Variants in STK32B observed in about 807,000 individuals in gnomAD.
The protein encoded by STK32B is serine/threonine kinase 32B.
Under a neutral mutation model 52.6 loss-of-function variants are expected in STK32B, and 43 were observed. The ratio of observed to expected loss-of-function variants is 0.82; its 90% CI spans 0.64 to 1.05. The LOEUF (loss-of-function observed/expected upper bound fraction) is 1.05, where lower values mean the gene tolerates loss of function less well. STK32B is among the 50% of genes least tolerant of loss of function. STK32B has a pLI of 0.00. For synonymous variants in STK32B, 238 were observed against 204.3 expected, an observed-to-expected ratio of 1.17 and a Z score of -1.41; for missense variants, 621 against 534.6, an observed-to-expected ratio of 1.16 and a Z score of -1.59.
intron 7 of STK32B, 28 bp from the exon 8 acceptor site, chr4:5,456,779 G>A: frequency 6.5e-7 from 1 of 1,538,408 alleles, no homozygotes; most frequent in Non-Finnish European, 8.8e-7. Flanking sequence ...CTCTCTCTCT[G>A]ATTCTGGCTG....
chr4:5,147,573 C>A (rs1295817679), intron 2 of STK32B, among the ~76,000 whole-genome samples: 2 of 151,958 alleles, frequency 1.3e-5, no homozygotes, highest in African/African-American at 2.4e-5. Flanking sequence ...TTCAGAGATG[C>A]TCTTTATCAA....
intron 11 of STK32B, among the ~76,000 whole-genome samples, chr4:5,475,883 A>T (rs1718200145): frequency 6.6e-6 from 1 of 151,768 alleles, no homozygotes; most frequent in South Asian, 2.1e-4. Context: ...TCCTCACCAC[A>T]ATCTTTTTGT....
intron 2 of STK32B, among the ~76,000 whole-genome samples, chr4:5,154,987 C>G (rs193079926): frequency 1.4e-3 from 208 of 152,334 alleles, no homozygotes; most frequent in Middle Eastern, 0.01. Flanking sequence ...TGCAGTCTGG[C>G]CTGTGCCTGT....
In STK32B at chr4:5,467,255, C is replaced by T. The variant is rs1038086156; in HGVS notation, c.1041+421C>T. On this transcript the variant is annotated intron_variant, in intron 10 of 11. Transcript: ENST00000282908. The surrounding 1 kb of genome is among the most constrained non-coding windows in gnomAD (Gnocchi z 5.8). ...AAAACAACCCACATTGATTCTCTCACGGTTCTGGAGGCCAGAAATCCAAAC... is the reference window on the plus strand; with the variant it reads ...AAAACAACCCACATTGATTCTCTCATGGTTCTGGAGGCCAGAAATCCAAAC... 2.6e-5 allele frequency among the ~76,000 whole-genome samples: 4 copies of T among 152,178 alleles called. No individual in the cohort carries two copies. The highest frequency in any genetic ancestry group is 1.3e-4 in the Admixed American group (2 of 15,278).
At chr4:5,053,993 AAATAAATAAATAT>A (rs1185487517) in intron 1 of STK32B, among the ~76,000 whole-genome samples, 3 of 130,286 alleles carry the variant, frequency 2.3e-5, no homozygotes, top group Non-Finnish European at 4.9e-5. Context: ...ATAAATAAAT[AAATAAATAAATAT>A]AAATAAATAT....
intron 3 of STK32B, among the ~76,000 whole-genome samples, chr4:5,173,559 G>A (rs1225471222): frequency 6.6e-6 from 1 of 152,028 alleles, no homozygotes; most frequent in African/African-American, 2.4e-5. Context: ...ATTTCGTTAT[G>A]TACCCAGTAG....
intron 3 of STK32B, among the ~76,000 whole-genome samples, chr4:5,219,919 T>A (rs1009481022): frequency 1.3e-5 from 2 of 152,126 alleles, no homozygotes; most frequent in Non-Finnish European, 2.9e-5. Context: ...AGGACAGTGG[T>A]TGAAAGAATA....
intron 3 of STK32B, 127 bp from the exon 4 acceptor site, chr4:5,331,093 C>T: frequency 1.2e-6 from 1 of 853,476 alleles, no homozygotes; most frequent in African/African-American, 1.7e-5. Flanking sequence ...CCCATAGCAC[C>T]ATGACTCAGG....
chr4:5,250,856 A>G (rs1725878764), intron 3 of STK32B, among the ~76,000 whole-genome samples: 1 of 152,002 alleles, frequency 6.6e-6, no homozygotes, highest in African/African-American at 2.4e-5. Flanking sequence ...GGTCGTGTGT[A>G]TGTCTTTTGA....
intron 1 of STK32B, among the ~76,000 whole-genome samples, chr4:5,065,099 A>G (rs924695634): frequency 4.0e-5 from 6 of 151,774 alleles, no homozygotes; most frequent in Admixed American, 3.3e-4. Flanking sequence ...TTTTTGTACT[A>G]TCTCCCTGGG....
At chr4:5,441,297 T>G (rs1714720875) in intron 6 of STK32B, among the ~76,000 whole-genome samples, 1 of 151,880 alleles carries the variant, frequency 6.6e-6, no homozygotes, top group Non-Finnish European at 1.5e-5. Flanking sequence ...GTTATTGGTC[T>G]ATTCAGAGAT....
chr4:5,032,169 G>C, the STK32B span, among the ~76,000 whole-genome samples: 11 of 135,734 alleles, frequency 8.1e-5, no homozygotes, highest in South Asian at 2.3e-4. Flanking sequence ...TGAGCTCCTA[G>C]AAAGAAAAAA....
intron 1 of STK32B, among the ~76,000 whole-genome samples, chr4:5,107,749 G>A (rs189639959): frequency 3.0e-4 from 45 of 152,230 alleles, no homozygotes; most frequent in African/African-American, 9.6e-4. Context: ...CTTTATTGAC[G>A]AAATTTCAAA....
intron 3 of STK32B, among the ~76,000 whole-genome samples, chr4:5,173,945 C>A (rs1011101831): frequency 2.6e-5 from 4 of 152,138 alleles, no homozygotes; most frequent in Admixed American, 2.0e-4. Flanking sequence ...GTCTAAGTCT[C>A]TTTGTAGGTC....
rs375684182 is a variant in STK32B, at chr4:5,394,082, C to T, written c.435-4125C>T. Among the ~76,000 whole-genome samples, 6 of 152,310 alleles carry T rather than the reference C, an allele frequency of 3.9e-5. No individual in the cohort carries two copies. The South Asian group carries it at 6.2e-4, about 16-fold the overall frequency. The stretch of plus-strand genomic sequence containing the variant: ...GCCAAAAGACACATGCAGAAACATC[C>T]TGGTGGCCCTGCTTTGCAGTCTGTG... On this transcript the variant is annotated intron_variant, in intron 4 of 11. Transcript: ENST00000282908. The surrounding 1 kb of genome is among the most constrained non-coding windows in gnomAD (Gnocchi z 4.2).
At chr4:5,160,207 C>A (rs1718327862) in intron 2 of STK32B, among the ~76,000 whole-genome samples, 1 of 152,194 alleles carries the variant, frequency 6.6e-6, no homozygotes, top group Non-Finnish European at 1.5e-5. Flanking sequence ...CCTTCTTGGG[C>A]CGCTTTGCAC....
At chr4:5,194,276 C>T (rs1428410254) in intron 3 of STK32B, among the ~76,000 whole-genome samples, 4 of 152,188 alleles carry the variant, frequency 2.6e-5, no homozygotes, top group African/African-American at 9.7e-5. Context: ...CACATGTAAG[C>T]ATTTGATCAT....
chr4:5,200,000 G>A (rs1247449790), intron 3 of STK32B, among the ~76,000 whole-genome samples: 2 of 152,154 alleles, frequency 1.3e-5, no homozygotes, highest in East Asian at 3.8e-4. Context: ...AACCACTTTA[G>A]CGAGGTCATG....
chr4:5,036,836 T>G, the STK32B span, among the ~76,000 whole-genome samples: 1 of 151,544 alleles, frequency 6.6e-6, no homozygotes, highest in African/African-American at 2.4e-5. Context: ...CCCGGCTAAT[T>G]TTTGTATTTT....
Sources: allele counts gnomAD v4.1 joint callset (sites outside exome capture counted in the v4.1 genomes callset), GRCh38; gene constraint gnomAD v4.1.1; non-coding constraint Gnocchi (gnomAD v3.1); transcripts MANE v1.5; gene names NCBI Gene and HGNC (gene_info 2026-07-23, HGNC 2026-07-21).